RGS7BP: variants seen among roughly 807,000 people sequenced by gnomAD.
The protein encoded by RGS7BP is regulator of G protein signaling 7-binding protein.
Under a neutral mutation model 31.3 loss-of-function variants are expected in RGS7BP, and 9 were observed. The ratio of observed to expected loss-of-function variants is 0.29; its 90% CI spans 0.17 to 0.50. The LOEUF (loss-of-function observed/expected upper bound fraction) is 0.50, where lower values mean the gene tolerates loss of function less well. Ranked by LOEUF, RGS7BP falls within the 20% of genes least tolerant of loss-of-function variation. The pLI, the probability that RGS7BP is intolerant of heterozygous loss-of-function variation, is 0.98. For synonymous variants in RGS7BP, 115 were observed against 120.1 expected (o/e 0.96, Z 0.28); for missense variants, 274 against 322.0 (o/e 0.85, Z 1.14).
chr5:64,564,983 T>A (rs1298127990), intron 2 of RGS7BP, among the ~76,000 whole-genome samples: 1 of 152,096 alleles, frequency 6.6e-6, no homozygotes, highest in Non-Finnish European at 1.5e-5. Context: ...GATTGACCAC[T>A]GCAAGCCAAA....
At chr5:64,600,769 T>C (rs568261808) in intron 5 of RGS7BP, among the ~76,000 whole-genome samples, 1 of 152,342 alleles carries the variant, frequency 6.6e-6, no homozygotes, top group South Asian at 2.1e-4. Flanking sequence ...ACCCTTAGCA[T>C]GTGACAATAC....
chr5:64,515,711 T>TACACACACACAC (rs140297030), intron 2 of RGS7BP, among the ~76,000 whole-genome samples: 26 of 148,666 alleles, frequency 1.7e-4, no homozygotes, highest in African/African-American at 2.5e-4. Flanking sequence ...CCTATATGCA[T>TACACACACACAC]ACACACACAC....
At chr5:64,528,971 T>TTGGAA (rs1749304169) in intron 2 of RGS7BP, among the ~76,000 whole-genome samples, 2 of 152,160 alleles carry the variant, frequency 1.3e-5, no homozygotes, top group Non-Finnish European at 2.9e-5. Context: ...ATTATTATTA[T>TTGGAA]TACAACGTAT....
At chr5:64,520,413 G>A (rs1312492664) in intron 2 of RGS7BP, among the ~76,000 whole-genome samples, 2 of 152,150 alleles carry the variant, frequency 1.3e-5, no homozygotes, top group Non-Finnish European at 2.9e-5. Flanking sequence ...AGGAAAACAG[G>A]CAGAAAGGAA....
intron 2 of RGS7BP, among the ~76,000 whole-genome samples, chr5:64,564,963 A>G (rs1742135264): frequency 6.6e-6 from 1 of 152,128 alleles, no homozygotes; most frequent in South Asian, 2.1e-4. Context: ...GTGTGAATTC[A>G]TGAACAAAAG....
In RGS7BP at chr5:64,506,934, T is replaced by A; in HGVS notation, c.165+145T>A. The A allele has an allele frequency of 1.4e-6, 1 of 740,314 alleles. No individual in the cohort carries two copies. Among genetic ancestry groups the A allele is most frequent in the Non-Finnish European group, 2.1e-6 (1 of 466,042 alleles). 45.9% of individuals were successfully genotyped at this position (740,314 alleles called of 1,614,324 possible). A position where few individuals can be genotyped will look rare whatever the true frequency, so the allele number is the denominator to read the frequency against. On this transcript the variant is annotated intron_variant, in intron 1 of 5. Transcript: ENST00000334025. This position sits in a 1 kb window ranked among gnomAD's most constrained non-coding sequence, Gnocchi z 4.6. ...GATCACGTGGCACATGCACTATTTT[T>A]AAATCTGCAGTCCCCCAAATTCAGG...
intron 2 of RGS7BP, among the ~76,000 whole-genome samples, chr5:64,557,592 T>A (rs564792074): frequency 2.6e-5 from 4 of 152,262 alleles, no homozygotes; most frequent in African/African-American, 9.6e-5. Flanking sequence ...CTGTTATGGA[T>A]CTCTGGAATT....
chr5:64,587,537 A>G (rs1742791442), intron 3 of RGS7BP, among the ~76,000 whole-genome samples: 1 of 152,178 alleles, frequency 6.6e-6, no homozygotes, highest in Non-Finnish European at 1.5e-5. Context: ...ATTAAGGAAA[A>G]GCTGGGCTAC....
chr5:64,509,253 T>A (rs1748768749), intron 2 of RGS7BP, among the ~76,000 whole-genome samples: 1 of 152,072 alleles, frequency 6.6e-6, no homozygotes, highest in African/African-American at 2.4e-5. Flanking sequence ...GAAGTACAGA[T>A]AAACAGTAAT....
At chr5:64,523,740 C>A (rs1040403464) in intron 2 of RGS7BP, among the ~76,000 whole-genome samples, 1 of 152,118 alleles carries the variant, frequency 6.6e-6, no homozygotes, top group Non-Finnish European at 1.5e-5. Context: ...AAGACCAAAT[C>A]TTTTTAATTA....
intron 2 of RGS7BP, among the ~76,000 whole-genome samples, chr5:64,556,830 G>A (rs1345815512): frequency 6.6e-6 from 1 of 151,644 alleles, no homozygotes; most frequent in Non-Finnish European, 1.5e-5. Flanking sequence ...AAAAATCTCT[G>A]TGTGTGTGTG....
At chr5:64,575,398 CTT>C (rs2111898487) in intron 2 of RGS7BP, among the ~76,000 whole-genome samples, 1 of 152,266 alleles carries the variant, frequency 6.6e-6, no homozygotes, top group South Asian at 2.1e-4. Context: ...TTGAATTGCT[CTT>C]GTCAGTTTCT....
intron 5 of RGS7BP, among the ~76,000 whole-genome samples, chr5:64,608,023 A>G (rs1743408743): frequency 1.3e-5 from 2 of 152,066 alleles, no homozygotes; most frequent in African/African-American, 4.8e-5. Flanking sequence ...CCCTTTGCCA[A>G]GCTTCCATCC....
chr5:64,558,994 C>T (rs957973446), intron 2 of RGS7BP, among the ~76,000 whole-genome samples: 1 of 152,172 alleles, frequency 6.6e-6, no homozygotes, highest in Non-Finnish European at 1.5e-5. Context: ...ACAATGCGTG[C>T]ACAGCGGGAC....
At chr5:64,585,312 A>C (rs1450656457) in intron 3 of RGS7BP, among the ~76,000 whole-genome samples, 1 of 152,100 alleles carries the variant, frequency 6.6e-6, no homozygotes, top group African/African-American at 2.4e-5. Flanking sequence ...AAATTTACTC[A>C]AATGGATAAA....
At chr5:64,515,519 C>T (rs1748948724) in intron 2 of RGS7BP, among the ~76,000 whole-genome samples, 1 of 152,144 alleles carries the variant, frequency 6.6e-6, no homozygotes, top group Non-Finnish European at 1.5e-5. Context: ...CCATTGAGAT[C>T]ACCTTTTCAA....
chr5:64,585,672 C>T (rs1367964415), intron 3 of RGS7BP, among the ~76,000 whole-genome samples: 4 of 152,092 alleles, frequency 2.6e-5, no homozygotes, highest in Non-Finnish European at 5.9e-5. Flanking sequence ...CAATTTCTCA[C>T]GAATATAAGA....
chr5:64,594,670 C>A lies in RGS7BP; in HGVS notation c.464-40C>A, dbSNP rs373644255. On this transcript the variant is annotated intron_variant, in intron 3 of 5. Coordinates refer to ENST00000334025, the MANE Select transcript of RGS7BP (RefSeq NM_001029875.3). ...CATATAGAACCTGCCTTTATGATTT[C>A]TTTTTCCTCTTCTCTTTACCAACAC... is the stretch of plus-strand genomic sequence containing the variant. The A allele has an allele frequency of 6.8e-5, 110 of 1,610,024 alleles. 1 individual carries two copies. In the African/African-American group the frequency reaches 1.0e-3, roughly 15 times the overall value.
intron 2 of RGS7BP, among the ~76,000 whole-genome samples, chr5:64,520,421 GA>G (rs917699503): frequency 1.3e-5 from 2 of 152,090 alleles, no homozygotes; most frequent in African/African-American, 2.4e-5. Context: ...AGGCAGAAAG[GA>G]AAAAAATAAC....
Sources: gnomAD v4.1 joint callset for allele counts (sites outside exome capture counted in the v4.1 genomes callset) on GRCh38, gnomAD v4.1.1 for gene constraint, Gnocchi (gnomAD v3.1) non-coding constraint, MANE v1.5 for transcripts, NCBI Gene and HGNC (gene_info 2026-07-23, HGNC 2026-07-21) for gene names.